Variants in DZIP1 observed in about 807,000 individuals in gnomAD.
The protein encoded by DZIP1 is cilium assembly protein DZIP1.
In DZIP1, 97 loss-of-function variants were observed where a neutral mutation model predicts 107.6. The ratio of observed to expected loss-of-function variants is 0.90; its 90% CI spans 0.77 to 1.07. The LOEUF is 1.07. DZIP1 is among the 50% of genes least tolerant of loss of function. The probability of loss-of-function intolerance (pLI) is 0.00; values close to 1 mark genes in which losing one functional copy is unlikely to be tolerated. For missense variants in DZIP1, 1,035 were observed against 1,063.6 expected (o/e 0.97, Z 0.37); for synonymous variants, 390 against 386.4 (o/e 1.01, Z -0.11).
intron 5 of DZIP1, among the ~76,000 whole-genome samples, chr13:95,640,437 G>A (rs1482315953): frequency 2.0e-5 from 3 of 152,112 alleles, no homozygotes; most frequent in Non-Finnish European, 4.4e-5. Context: ...ATCCAGTGAG[G>A]CCTTTTAAGC....
chr13:95,601,183 G>T (rs1350103243), intron 14 of DZIP1, among the ~76,000 whole-genome samples: 2 of 152,138 alleles, frequency 1.3e-5, no homozygotes, highest in Non-Finnish European at 2.9e-5. Flanking sequence ...AAGAGTTCTG[G>T]TAGAAGGGGA....
intron 8 of DZIP1, among the ~76,000 whole-genome samples, chr13:95,623,820 C>T (rs559121817): frequency 7.9e-5 from 12 of 152,148 alleles, no homozygotes; most frequent in Middle Eastern, 3.4e-3. Flanking sequence ...GTGCCTGTAA[C>T]GCCAGCTACT....
chr13:95,612,028 CA>C lies in DZIP1; in HGVS notation c.1314+8del. ...AAGAAGCACGGTGCCACACTGCCGC[CA>C]GACATACCTGCTGTCTCTGAGTTAT... On this transcript the variant is annotated splice_region_variant and intron_variant, in intron 11 of 22. Coordinates refer to ENST00000376829, the MANE Select transcript of DZIP1 (RefSeq NM_198968.4). 1 of 1,612,496 alleles carries C rather than the reference CA, an allele frequency of 6.2e-7. No individual in the cohort carries two copies. Among genetic ancestry groups the C allele is most frequent in the Non-Finnish European group, 8.5e-7 (1 of 1,179,704 alleles).
chr13:95,629,313 A>G (rs976538742), intron 7 of DZIP1, among the ~76,000 whole-genome samples: 4 of 152,390 alleles, frequency 2.6e-5, no homozygotes, highest in Admixed American at 1.3e-4. Context: ...TCAGAACTCA[A>G]TGAATCATGG....
intron 14 of DZIP1, among the ~76,000 whole-genome samples, chr13:95,603,793 G>C (rs1249317912): frequency 1.3e-5 from 2 of 152,174 alleles, no homozygotes; most frequent in African/African-American, 4.8e-5. Flanking sequence ...CTTAGGATCA[G>C]AACCTACTGC....
chr13:95,590,014 CT>C (rs1182978088), intron 17 of DZIP1, 82 bp from the exon 18 acceptor site: 4 of 1,497,956 alleles, frequency 2.7e-6, no homozygotes, highest in Non-Finnish European at 9.0e-7. Context: ...ATAATACCCC[CT>C]ATGCTGCTGT....
At chr13:95,594,992 G>A (rs1350492811) in intron 15 of DZIP1, among the ~76,000 whole-genome samples, 2 of 152,158 alleles carry the variant, frequency 1.3e-5, no homozygotes, top group Non-Finnish European at 2.9e-5. Context: ...GAGATGCGAC[G>A]TTTGGCAGTT....
At chr13:95,644,264 T>G (rs1283662088) in intron 1 of DZIP1, 113 bp downstream of exon 1, 1 of 152,362 alleles carries the variant, frequency 6.6e-6, no homozygotes, top group Admixed American at 6.5e-5. Flanking sequence ...CAGCTGGATC[T>G]GCAGAGGCTC....
intron 16 of DZIP1, among the ~76,000 whole-genome samples, chr13:95,593,321 T>A (rs1388689930): frequency 6.6e-6 from 1 of 152,232 alleles, no homozygotes; most frequent in East Asian, 1.9e-4. Context: ...TGCCCATGCA[T>A]GCATATGTGC....
chr13:95,612,221 C>A, intron 10 of DZIP1, 44 bp from the exon 11 acceptor site: 1 of 1,585,050 alleles, frequency 6.3e-7, no homozygotes, highest in Non-Finnish European at 8.5e-7. Context: ...AGCTGCATGT[C>A]AAATGTCTTC....
intron 5 of DZIP1, among the ~76,000 whole-genome samples, chr13:95,640,003 T>A (rs888763838): frequency 5.1e-4 from 77 of 151,668 alleles, no homozygotes; most frequent in South Asian, 2.9e-3. Context: ...TATTTATTTT[T>A]TTTTTTTTGA....
intron 10 of DZIP1, among the ~76,000 whole-genome samples, chr13:95,613,455 T>C (rs1594697272): frequency 6.6e-6 from 1 of 151,586 alleles, no homozygotes; most frequent in Non-Finnish European, 1.5e-5. Context: ...GAGGCTGCAG[T>C]GAGCCAAGAT....
intron 5 of DZIP1, among the ~76,000 whole-genome samples, chr13:95,639,049 G>A (rs973382511): frequency 2.0e-5 from 3 of 152,128 alleles, no homozygotes; most frequent in South Asian, 2.1e-4. Context: ...CCAGGTATTA[G>A]CTAAAACAAT....
intron 10 of DZIP1, among the ~76,000 whole-genome samples, chr13:95,614,617 A>G (rs1874811607): frequency 6.6e-6 from 1 of 152,220 alleles, no homozygotes; most frequent in Non-Finnish European, 1.5e-5. Flanking sequence ...AAACATAGCC[A>G]GAAATTATTT....
Position 95,578,300 on chromosome 13 carries a change from G to T in DZIP1, c.*3934C>A. The stretch of plus-strand genomic sequence containing the variant: ...AAAGCATTTAGTACCAAAGGTTCAA[G>T]AAGTATTCGTACTCTAGCCTTTTTA... On this transcript the variant is annotated 3_prime_UTR_variant, in exon 23 of 23. Coordinates refer to ENST00000376829, the MANE Select transcript of DZIP1 (RefSeq NM_198968.4). 4.5e-6 allele frequency: 1 copy of T among 223,230 alleles called. No homozygotes were observed. The highest frequency in any genetic ancestry group is 8.8e-6 in the Non-Finnish European group (1 of 113,112). 13.8% of individuals were successfully genotyped at this position (223,230 alleles called of 1,614,324 possible). A position where few individuals can be genotyped will look rare whatever the true frequency, so the allele number is the denominator to read the frequency against.
chr13:95,587,389 C>G, intron 20 of DZIP1, 150 bp downstream of exon 20: 2 of 985,812 alleles, frequency 2.0e-6, no homozygotes, highest in Non-Finnish European at 1.5e-6. Flanking sequence ...ATGTGCTAAA[C>G]CCTGCCCATT....
chr13:95,585,677 T>C (rs985338074), intron 21 of DZIP1, among the ~76,000 whole-genome samples: 2 of 152,212 alleles, frequency 1.3e-5, no homozygotes, highest in Admixed American at 1.3e-4. Context: ...GCCAGGGTAG[T>C]GAAGAAGATC....
At chr13:95,637,068 A>G (rs137951987) in intron 5 of DZIP1, 1 of 152,360 alleles carries the variant, frequency 6.6e-6, no homozygotes, top group African/African-American at 2.4e-5. Flanking sequence ...GTTCAGAGGG[A>G]AAGTGTGACT....
At chr13:95,595,563 C>T (rs1017215840) in intron 15 of DZIP1, among the ~76,000 whole-genome samples, 1 of 152,106 alleles carries the variant, frequency 6.6e-6, no homozygotes, top group East Asian at 1.9e-4. Flanking sequence ...AAAAAAAGCA[C>T]TTCTATGAAC....
Sources: allele counts gnomAD v4.1 joint callset (sites outside exome capture counted in the v4.1 genomes callset), GRCh38; gene constraint gnomAD v4.1.1; transcripts MANE v1.5; gene names NCBI Gene and HGNC (gene_info 2026-07-23, HGNC 2026-07-21).